BFSP1: variants seen among roughly 807,000 people sequenced by gnomAD.
BFSP1 encodes the protein filensin.
In BFSP1, 38 loss-of-function variants were observed where a neutral mutation model predicts 43.9. The observed-to-expected ratio is 0.87, with a 90% confidence interval of 0.67 to 1.14. The LOEUF is 1.14. BFSP1 is among the 50% of genes most tolerant of loss of function. The pLI, the probability that BFSP1 is intolerant of heterozygous loss-of-function variation, is 0.00. For synonymous variants in BFSP1, 352 were observed against 354.8 expected (o/e 0.99, Z 0.09); for missense variants, 850 against 875.1 (o/e 0.97, Z 0.36).
intron 1 of BFSP1, among the ~76,000 whole-genome samples, chr20:17,566,767 C>T (rs1325181890): frequency 6.6e-6 from 1 of 152,188 alleles, no homozygotes; most frequent in Admixed American, 6.5e-5. Context: ...CAATTCCCTG[C>T]CTCAGCCTCC....
intron 1 of BFSP1, among the ~76,000 whole-genome samples, chr20:17,549,262 T>TA (rs2034856782): frequency 6.6e-6 from 1 of 152,228 alleles, no homozygotes; most frequent in Non-Finnish European, 1.5e-5. Flanking sequence ...TATTAGTCTG[T>TA]ACTCGCACTG....
chr20:17,552,375 G>C (rs2034909125), intron 1 of BFSP1, among the ~76,000 whole-genome samples: 1 of 152,224 alleles, frequency 6.6e-6, no homozygotes, highest in South Asian at 2.1e-4. Context: ...TGAGGATAGA[G>C]TGCGGGTCAG....
chr20:17,568,565 G>A (rs1395358963), intron 1 of BFSP1, among the ~76,000 whole-genome samples: 3 of 152,102 alleles, frequency 2.0e-5, no homozygotes, highest in East Asian at 1.9e-4. Flanking sequence ...TAGAAGCAGT[G>A]AGGGAACCTT....
intron 2 of BFSP1, among the ~76,000 whole-genome samples, chr20:17,516,095 G>T (rs2034194462): frequency 6.6e-6 from 1 of 152,136 alleles, no homozygotes; most frequent in Non-Finnish European, 1.5e-5. Context: ...TTGGGAGGCT[G>T]AAGCAGGTGG....
At chr20:17,497,333 T>C (rs1237256771) in intron 6 of BFSP1, among the ~76,000 whole-genome samples, 2 of 151,846 alleles carry the variant, frequency 1.3e-5, no homozygotes, top group Non-Finnish European at 2.9e-5. Context: ...TTTTTTGCCT[T>C]TTGTTTTTTT....
chr20:17,542,816 T>C (rs992764113), intron 1 of BFSP1, among the ~76,000 whole-genome samples: 3 of 152,212 alleles, frequency 2.0e-5, no homozygotes, highest in African/African-American at 7.2e-5. Flanking sequence ...CCTGAGAACA[T>C]GGTTTGTTTT....
chr20:17,499,262 T>G (rs2033734216), intron 5 of BFSP1, among the ~76,000 whole-genome samples: 1 of 113,540 alleles, frequency 8.8e-6, no homozygotes, highest in African/African-American at 3.5e-5. Context: ...TTTTTTTTTT[T>G]GATAGAGGAT....
intron 1 of BFSP1, among the ~76,000 whole-genome samples, chr20:17,549,093 G>A (rs1165748325): frequency 3.3e-5 from 5 of 152,196 alleles, no homozygotes; most frequent in African/African-American, 7.2e-5. Context: ...TTATAGGTGT[G>A]AGCCACTATG....
chr20:17,553,918 T>C (rs1007100376), intron 1 of BFSP1, among the ~76,000 whole-genome samples: 2 of 143,844 alleles, frequency 1.4e-5, no homozygotes, highest in African/African-American at 5.1e-5. Context: ...CAAGTCTGAG[T>C]AAATACAAGA....
intron 2 of BFSP1, among the ~76,000 whole-genome samples, chr20:17,524,638 T>A (rs534473803): frequency 6.6e-6 from 1 of 152,302 alleles, no homozygotes; most frequent in African/African-American, 2.4e-5. Flanking sequence ...ATAGTCTGTG[T>A]TTCTCTCGTG....
At chr20:17,511,855 A>G (rs1445476301) in intron 4 of BFSP1, 121 bp downstream of exon 4, 2 of 685,658 alleles carry the variant, frequency 2.9e-6, no homozygotes, top group East Asian at 2.6e-5. Flanking sequence ...AATACAAGGC[A>G]GGAGTGGGGA....
chr20:17,562,836 G>C (rs1055229250), upstream of BFSP1: 5 of 152,124 alleles, frequency 3.3e-5, no homozygotes, highest in Non-Finnish European at 5.9e-5. Flanking sequence ...TAGATGCCAG[G>C]GCCCTTGGGG....
upstream of BFSP1, chr20:17,531,403 G>A: frequency 1.6e-6 from 2 of 1,264,830 alleles, no homozygotes; most frequent in Non-Finnish European, 2.0e-6. Flanking sequence ...CCCGCAGCCC[G>A]CTAAATAAAC....
rs554924216 is a variant in BFSP1 at position 17,520,213 on chromosome 20, C to CG, written c.438+4634_438+4635insC. 6.1e-3 allele frequency among the ~76,000 whole-genome samples: 853 copies of CG among 140,186 alleles called. 14 individuals carry two copies. Among genetic ancestry groups the CG allele is most frequent in the South Asian group, 0.028 (104 of 3,744 alleles). The allele number at this position is 140,186 out of a possible 152,430, so 92.0% of individuals were successfully genotyped here. Reference sequence around the variant, plus strand: ...CCAGGAGTCTGGGTTTTAACGTGCCCCCCCACCCCGCCCACCTTTCACCCC... The same window carrying CG: ...CCAGGAGTCTGGGTTTTAACGTGCCCGCCCCACCCCGCCCACCTTTCACCCC... On this transcript the variant is annotated intron_variant, in intron 2 of 7. Coordinates refer to ENST00000377873, the MANE Select transcript of BFSP1 (RefSeq NM_001195.5).
rs746897399 is a variant in BFSP1 at position 17,498,884 on chromosome 20, C to T, written c.892G>A (p.Ala298Thr). Residue 298 changes from alanine (A) to threonine (T), a missense_variant, in exon 6 of 8, where the codon GCC becomes ACC. Physicochemically the swap from Ala to Thr is moderately conservative, Grantham distance 58 (BLOSUM62 0). Transcript: ENST00000377873. ...SSYDCRQLAV[A>T]QQTLKNELDR... ...AGCTCATTCTTCAGGGTTTGCTGGG[C>T]GACCGCCAGCTGCCGGCAGTCGTAA... 4.3e-6 allele frequency: 7 copies of T among 1,613,812 alleles called. No homozygotes were observed. The East Asian group carries it at 8.9e-5, about 21-fold the overall frequency.
rs1469437205 is a variant in BFSP1, at chr20:17,496,932, C to T, written c.1042+6G>A. 3.9e-6 allele frequency: 6 copies of T among 1,528,080 alleles called. No homozygotes were observed. Among genetic ancestry groups the T allele is most frequent in the South Asian group, 2.5e-5 (2 of 79,834 alleles). 94.7% of individuals were successfully genotyped at this position (1,528,080 alleles called of 1,614,324 possible). ...AAAACAGAAGTCCAGTGTTGGGGAG[C>T]GTTACCTTTCCCACCGGATCCAGTG... On this transcript the variant is annotated splice_donor_region_variant and intron_variant, in intron 7 of 7. Coordinates refer to ENST00000377873, the MANE Select transcript of BFSP1 (RefSeq NM_001195.5).
At chr20:17,497,471 CGTATATATACGTGTGTATATATATAT>C (rs1445778830) in intron 6 of BFSP1, among the ~76,000 whole-genome samples, 8 of 144,558 alleles carry the variant, frequency 5.5e-5, no homozygotes, top group African/African-American at 1.5e-4. Context: ...CACACACACA[CGTATATATACGTGTGTATATATATAT>C]ACACGTATAT....
chr20:17,530,902 G>A, intron 1 of BFSP1, 51 bp downstream of exon 1: 1 of 1,327,766 alleles, frequency 7.5e-7, no homozygotes, highest in Non-Finnish European at 9.6e-7. Context: ...GCCCCGCGCC[G>A]CCGGGACGGC....
rs2034409908 is a variant in BFSP1, at chr20:17,525,943, C to T, written c.378-1035G>A. Among the ~76,000 whole-genome samples the T allele has an allele frequency of 6.6e-6, 1 of 151,964 alleles. No individual in the cohort carries two copies. On this transcript the variant is annotated intron_variant, in intron 1 of 7. Transcript: ENST00000377873. The surrounding 1 kb of genome is among the most constrained non-coding windows in gnomAD (Gnocchi z 4.2). ...ATGTGTGCCCTTTGCTTCTCATTTT[C>T]CATCCCTCCCTCCATCCTGCAGCCA...
Sources: gnomAD v4.1 joint callset for allele counts (sites outside exome capture counted in the v4.1 genomes callset) on GRCh38, gnomAD v4.1.1 for gene constraint, Gnocchi (gnomAD v3.1) non-coding constraint, MANE v1.5 for transcripts, NCBI Gene and HGNC (gene_info 2026-07-23, HGNC 2026-07-21) for gene names.